Variants in PACS1 observed in about 807,000 individuals in gnomAD.
PACS1 encodes PACS-1.
In PACS1, 24 loss-of-function variants were observed where a neutral mutation model predicts 115.0. That is an observed-to-expected ratio of 0.21 (90% CI 0.15 to 0.29). The LOEUF (loss-of-function observed/expected upper bound fraction) is 0.29, where lower values mean the gene tolerates loss of function less well. Ranked by LOEUF, PACS1 falls within the 10% of genes least tolerant of loss-of-function variation. The pLI is 1.00. For missense variants in PACS1, 838 were observed against 1,251.2 expected (o/e 0.67, Z 4.98); for synonymous variants, 453 against 504.5 (o/e 0.90, Z 1.37).
At chr11:66,206,530 T>C (rs1000894585) in intron 2 of PACS1, among the ~76,000 whole-genome samples, 2 of 152,244 alleles carry the variant, frequency 1.3e-5, no homozygotes, top group Non-Finnish European at 2.9e-5. Flanking sequence ...AGATTACTTC[T>C]AGCGAATTTG....
At chr11:66,083,923 C>G (rs1857525943) in intron 1 of PACS1, 1 of 152,180 alleles carries the variant, frequency 6.6e-6, no homozygotes. Context: ...CTGCACATAC[C>G]TTTACTGTTT....
In PACS1 at chr11:66,233,648, C is replaced by G. The variant is rs992281876; in HGVS notation, c.1839-137C>G. 1 of 777,240 alleles carries G rather than the reference C, an allele frequency of 1.3e-6. No homozygotes were observed. 48.1% of individuals were successfully genotyped at this position (777,240 alleles called of 1,614,324 possible). A position where few individuals can be genotyped will look rare whatever the true frequency, so the allele number is the denominator to read the frequency against. On this transcript the variant is annotated intron_variant, in intron 15 of 23. Transcript: ENST00000320580. This position sits in a 1 kb window ranked among gnomAD's most constrained non-coding sequence, Gnocchi z 4.5. ...CACTGTGGCTTATTCCCTGTATGAT[C>G]CTCTCTGTTTTATTTTGTGGATTGG...
intron 1 of PACS1, among the ~76,000 whole-genome samples, chr11:66,130,706 G>C (rs72934668): frequency 0.04 from 6,065 of 152,074 alleles, 133 homozygotes; most frequent in South Asian, 0.071. Context: ...TATTTTTATT[G>C]CTCTGTCTAC....
chr11:66,221,115 C>T (rs1478863281), intron 9 of PACS1, 39 bp from the exon 10 acceptor site: 4 of 1,573,362 alleles, frequency 2.5e-6, no homozygotes. Context: ...CTGTTCTGAG[C>T]CCTGGCAGCA....
Position 66,230,742 on chromosome 11 carries a change from G to A in PACS1, c.1491-63G>A, listed in dbSNP as rs1050663306. Reference sequence around the variant, plus strand: ...GGGCTTCAGGGCTGAGGGAAAGCGGGGCTGGCAGCAGCTTTGGGGTTGGAG... The same window carrying A: ...GGGCTTCAGGGCTGAGGGAAAGCGGAGCTGGCAGCAGCTTTGGGGTTGGAG... On this transcript the variant is annotated intron_variant, in intron 12 of 23. Transcript: ENST00000320580. 4 of 1,612,822 alleles carry A rather than the reference G, an allele frequency of 2.5e-6. No individual in the cohort carries two copies. The Admixed American group carries it at 6.7e-5, about 27-fold the overall frequency.
chr11:66,100,418 C>A (rs1857890182), intron 1 of PACS1, among the ~76,000 whole-genome samples: 1 of 152,182 alleles, frequency 6.6e-6, no homozygotes, highest in African/African-American at 2.4e-5. Context: ...CGTGCCCTCA[C>A]ACCCCTGCCT....
intron 1 of PACS1, among the ~76,000 whole-genome samples, chr11:66,151,478 A>C (rs1334086037): frequency 6.6e-6 from 1 of 152,108 alleles, no homozygotes; most frequent in East Asian, 1.9e-4. Context: ...GCCAGATTAC[A>C]CAGAAGCATG....
Position 66,193,506 on chromosome 11 carries a change from A to G in PACS1, c.377A>G (p.Lys126Arg). 1 of 1,613,424 alleles carries G rather than the reference A, an allele frequency of 6.2e-7. No homozygotes were observed. The highest frequency in any genetic ancestry group is 1.1e-5 in the South Asian group (1 of 91,066). Reference protein sequence around the residue: ...CVPRLFSLTLKKLVMLKEMDK... With the variant: ...CVPRLFSLTLRKLVMLKEMDK... ...TCTAGGCTATTCAGCTTGACCCTGAAGAAACTCGTCATGCTAAAAGAAATG... is the reference window on the plus strand; with the variant it reads ...TCTAGGCTATTCAGCTTGACCCTGAGGAAACTCGTCATGCTAAAAGAAATG... Residue 126 changes from lysine (K) to arginine (R), a missense_variant, in exon 2 of 24, where the codon AAG becomes AGG. This residue lies in a region of PACS1 where 223 missense variants were observed against 354.0 expected (regional missense o/e 0.63). Coordinates refer to ENST00000320580, the MANE Select transcript of PACS1 (RefSeq NM_018026.4).
chr11:66,071,439 C>T (rs1264181031), intron 1 of PACS1, among the ~76,000 whole-genome samples: 1 of 152,206 alleles, frequency 6.6e-6, no homozygotes, highest in African/African-American at 2.4e-5. Flanking sequence ...CCCACTAAAA[C>T]TGGTCCCAGA....
At chr11:66,119,178 ACT>A (rs1162783575) in intron 1 of PACS1, among the ~76,000 whole-genome samples, 1 of 152,084 alleles carries the variant, frequency 6.6e-6, no homozygotes, top group Admixed American at 6.5e-5. Flanking sequence ...GGATCACCAG[ACT>A]CTGTGGCCCA....
intron 1 of PACS1, among the ~76,000 whole-genome samples, chr11:66,173,473 C>T (rs554397034): frequency 4.6e-5 from 7 of 152,136 alleles, no homozygotes; most frequent in African/African-American, 1.4e-4. Flanking sequence ...TTTGGGAGGC[C>T]GAGGCAAGCG....
At chr11:66,199,314 C>CA (rs35445093) in intron 2 of PACS1, among the ~76,000 whole-genome samples, 524 of 92,098 alleles carry the variant, frequency 5.7e-3, no homozygotes, top group Middle Eastern at 0.016. Flanking sequence ...GACTCCATCT[C>CA]AAAAAAAAAA....
At chr11:66,229,669 A>G (rs1315835876) in intron 11 of PACS1, among the ~76,000 whole-genome samples, 1 of 151,998 alleles carries the variant, frequency 6.6e-6, no homozygotes, top group African/African-American at 2.4e-5. Context: ...ACAGAGCAAG[A>G]CTCCGTCTCA....
chr11:66,096,209 C>CTTTTTTTTTTTTTTTTTTT (rs66569530), intron 1 of PACS1, among the ~76,000 whole-genome samples: 7 of 119,508 alleles, frequency 5.9e-5, no homozygotes, highest in East Asian at 2.9e-4. Flanking sequence ...CTTTTTCTTT[C>CTTTTTTTTTTTTTTTTTTT]TTTTTTTTTT....
At chr11:66,081,445 AAAAC>A (rs1173037849) in intron 1 of PACS1, among the ~76,000 whole-genome samples, 2 of 152,136 alleles carry the variant, frequency 1.3e-5, no homozygotes, top group African/African-American at 2.4e-5. Context: ...CAAAACAAAC[AAAAC>A]AAACAAAACA....
At position 66,216,256 on chromosome 11, in the gene PACS1, G is replaced by C. The variant is rs200395584; in HGVS notation, c.798G>C (p.Lys266Asn). The C allele has an allele frequency of 6.2e-7, 1 of 1,614,060 alleles. No individual in the cohort carries two copies. The change falls in exon 5 of 24, where the codon AAG becomes AAC. Residue 266 changes from lysine to asparagine, a missense_variant. Coordinates refer to ENST00000320580, the MANE Select transcript of PACS1 (RefSeq NM_018026.4). ...TTGACCATGAAGGAATCAAATCCAA[G>C]CTTTCTGGTAAGAAGCATGCAGCAT... ...QPIDHEGIKS[K>N]LSDRSPDIDN... is the part of the protein sequence containing the mutation.
intron 2 of PACS1, among the ~76,000 whole-genome samples, chr11:66,208,624 G>A (rs1403202310): frequency 1.4e-5 from 2 of 147,524 alleles, no homozygotes; most frequent in Non-Finnish European, 3.0e-5. Context: ...AGACCAGCCT[G>A]GGCAACATAG....
At chr11:66,167,251 C>G (rs557054815) in intron 1 of PACS1, among the ~76,000 whole-genome samples, 1 of 148,340 alleles carries the variant, frequency 6.7e-6, no homozygotes, top group Admixed American at 6.7e-5. Context: ...ATTTGTCAGT[C>G]TTTTTCTTAC....
intron 1 of PACS1, among the ~76,000 whole-genome samples, chr11:66,170,736 G>A (rs1008765609): frequency 6.9e-6 from 1 of 145,368 alleles, no homozygotes; most frequent in African/African-American, 2.7e-5. Context: ...CAAAGAGTTC[G>A]AGACCAGCCT....
Sources: gnomAD v4.1 joint callset for allele counts (sites outside exome capture counted in the v4.1 genomes callset) on GRCh38, gnomAD v4.1.1 for gene constraint, gnomAD v4.1.1 regional missense constraint, Gnocchi (gnomAD v3.1) non-coding constraint, MANE v1.5 for transcripts, NCBI Gene and HGNC (gene_info 2026-07-23, HGNC 2026-07-21) for gene names.